Variants in TBC1D5 observed in about 807,000 individuals in gnomAD.
The protein encoded by TBC1D5 is TBC1 domain family member 5, also known as TBC1 domain family, member 5.
A neutral mutation model predicts 100.3 loss-of-function variants in TBC1D5; 75 were observed. The ratio of observed to expected loss-of-function variants is 0.75; its 90% confidence interval spans 0.62 to 0.91. The LOEUF (loss-of-function observed/expected upper bound fraction) is 0.91, where lower values mean the gene tolerates loss of function less well. Ranked by LOEUF, TBC1D5 falls within the 40% of genes least tolerant of loss-of-function variation. The pLI, the probability that TBC1D5 is intolerant of heterozygous loss-of-function variation, is 0.00. For missense variants in TBC1D5, 910 were observed against 942.4 expected (o/e 0.97, Z 0.45); for synonymous variants, 323 against 325.6 (o/e 0.99, Z 0.09).
intron 3 of TBC1D5, 100 bp downstream of exon 3, chr3:17,508,374 A>G (rs1001402807): frequency 2.2e-6 from 2 of 891,322 alleles, no homozygotes; most frequent in Admixed American, 1.8e-5. Flanking sequence ...CACTTCATCA[A>G]AATGTGTTCA....
chr3:17,312,254 C>G (rs1182726479), intron 13 of TBC1D5, among the ~76,000 whole-genome samples: 1 of 151,876 alleles, frequency 6.6e-6, no homozygotes, highest in African/African-American at 2.4e-5. Context: ...AAATGGGAGG[C>G]CAAAATAAAT....
intron 3 of TBC1D5, among the ~76,000 whole-genome samples, chr3:17,450,027 G>A (rs1559910994): frequency 6.6e-6 from 1 of 152,142 alleles, no homozygotes. Flanking sequence ...GAAGTTTCCA[G>A]AGGAAGGGGC....
At chr3:17,429,182 T>C (rs909205595) in intron 3 of TBC1D5, among the ~76,000 whole-genome samples, 1 of 151,974 alleles carries the variant, frequency 6.6e-6, no homozygotes, top group African/African-American at 2.4e-5. Flanking sequence ...CTCAAAAATC[T>C]ATCATATTCA....
chr3:17,391,227 C>T (rs1190816736), intron 8 of TBC1D5, among the ~76,000 whole-genome samples: 2 of 152,130 alleles, frequency 1.3e-5, no homozygotes, highest in East Asian at 3.9e-4. Flanking sequence ...TTCTACATGG[C>T]TCTTCTTCTT....
At chr3:17,345,533 C>G (rs2089731563) in intron 13 of TBC1D5, among the ~76,000 whole-genome samples, 1 of 152,018 alleles carries the variant, frequency 6.6e-6, no homozygotes, top group African/African-American at 2.4e-5. Flanking sequence ...GGATCTAGAA[C>G]TAGAAATACT....
chr3:17,305,114 G>T (rs2083273119), intron 14 of TBC1D5, among the ~76,000 whole-genome samples: 1 of 152,068 alleles, frequency 6.6e-6, no homozygotes, highest in Non-Finnish European at 1.5e-5. Context: ...CCTGGCAAAG[G>T]TATCCAATGA....
chr3:17,471,670 CAAAAAAAAAAAAAA>C (rs753132440), intron 3 of TBC1D5, among the ~76,000 whole-genome samples: 4 of 22,310 alleles, frequency 1.8e-4, no homozygotes, highest in South Asian at 1.3e-3. Context: ...GACTCCGTCT[CAAAAAAAAAAAAAA>C]AAAAAAAAAA....
intron 16 of TBC1D5, among the ~76,000 whole-genome samples, chr3:17,250,824 A>C (rs1231571879): frequency 6.6e-6 from 1 of 152,174 alleles, no homozygotes; most frequent in Non-Finnish European, 1.5e-5. Flanking sequence ...TTTAGCTTTA[A>C]AAATTATTGT....
At chr3:17,641,428 T>C (rs2064490964) in intron 1 of TBC1D5, among the ~76,000 whole-genome samples, 3 of 152,078 alleles carry the variant, frequency 2.0e-5, no homozygotes, top group Admixed American at 1.3e-4. Context: ...GAAAAAAAAT[T>C]ACTTAACCTC....
Position 17,410,441 on chromosome 3 carries a change from T to C in TBC1D5, c.168-3915A>G, listed in dbSNP as rs143532420. On this transcript the variant is annotated intron_variant, in intron 4 of 21. Transcript: ENST00000253692. ...CTGCGGCCCATGAAGTGGGGAGTCA[T>C]TTCTAATTTCAAGTTTTATTATTTA... Among the ~76,000 whole-genome samples, 80 of 152,294 alleles carry C rather than the reference T, an allele frequency of 5.3e-4. 1 individual carries two copies. Among genetic ancestry groups the C allele is most frequent in the African/African-American group, 1.8e-3 (76 of 41,574 alleles).
At chr3:17,557,443 A>G (rs1238481616) in intron 2 of TBC1D5, among the ~76,000 whole-genome samples, 1 of 152,250 alleles carries the variant, frequency 6.6e-6, no homozygotes, top group Non-Finnish European at 1.5e-5. Context: ...TAACAATGCA[A>G]TTGGCTGCTA....
intron 19 of TBC1D5, among the ~76,000 whole-genome samples, chr3:17,183,667 C>T (rs1215707179): frequency 6.6e-6 from 1 of 152,200 alleles, no homozygotes; most frequent in Non-Finnish European, 1.5e-5. Flanking sequence ...AGGACCCAGC[C>T]AGCTGCTAAT....
intron 17 of TBC1D5, among the ~76,000 whole-genome samples, chr3:17,222,599 A>G (rs147378457): frequency 8.7e-4 from 133 of 152,312 alleles, no homozygotes; most frequent in African/African-American, 2.7e-3. Context: ...GGTTTTACCA[A>G]TGAGAAATCT....
chr3:17,461,916 T>C (rs2095218399), intron 3 of TBC1D5, among the ~76,000 whole-genome samples: 1 of 152,198 alleles, frequency 6.6e-6, no homozygotes, highest in Non-Finnish European at 1.5e-5. Context: ...AGACATTTCA[T>C]TTCTGCTATC....
At chr3:17,411,014 G>A (rs1327918214) in intron 4 of TBC1D5, among the ~76,000 whole-genome samples, 3 of 152,132 alleles carry the variant, frequency 2.0e-5, no homozygotes, top group African/African-American at 7.2e-5. Context: ...ATGCTACAGA[G>A]AAATCTTTAT....
intron 2 of TBC1D5, chr3:17,524,446 T>A (rs2096105028): frequency 6.6e-6 from 1 of 152,178 alleles, no homozygotes; most frequent in South Asian, 2.1e-4. Flanking sequence ...TCTAGCCAAA[T>A]CTATGCAGAA....
intron 3 of TBC1D5, among the ~76,000 whole-genome samples, chr3:17,459,738 GAA>G (rs538273400): frequency 9.8e-5 from 13 of 133,080 alleles, no homozygotes; most frequent in Non-Finnish European, 1.1e-4. Context: ...TCTCTTAAAG[GAA>G]AAAAAAAAAA....
chr3:17,618,877 C>T (rs1284351133), intron 2 of TBC1D5, among the ~76,000 whole-genome samples: 1 of 152,224 alleles, frequency 6.6e-6, no homozygotes, highest in Non-Finnish European at 1.5e-5. Flanking sequence ...GATGCCCCGC[C>T]TTGCTTCAGC....
chr3:17,731,927 T>C (rs1274921657), intron 1 of TBC1D5, among the ~76,000 whole-genome samples: 6 of 152,108 alleles, frequency 3.9e-5, no homozygotes, highest in African/African-American at 1.4e-4. Flanking sequence ...CTAAACTGAG[T>C]TTCCTGTGAG....
Sources: gnomAD v4.1 joint callset for allele counts (sites outside exome capture counted in the v4.1 genomes callset) on GRCh38, gnomAD v4.1.1 for gene constraint, MANE v1.5 for transcripts, NCBI Gene and HGNC (gene_info 2026-07-23, HGNC 2026-07-21) for gene names.